LRRK2: variants seen among roughly 807,000 people sequenced by gnomAD.
The protein encoded by LRRK2 is leucine rich repeat kinase 2.
Under a neutral mutation model 302.6 loss-of-function variants are expected in LRRK2, and 203 were observed. That is an observed-to-expected ratio of 0.67 (90% CI 0.60 to 0.75). LRRK2 has a LOEUF of 0.75. LRRK2 is among the 30% of genes least tolerant of loss of function. The pLI is 0.00. For synonymous variants in LRRK2, 1,066 were observed against 1,031.9 expected, an observed-to-expected ratio of 1.03 and a Z score of -0.63; for missense variants, 2,830 against 2,951.0, an observed-to-expected ratio of 0.96 and a Z score of 0.95.
intron 18 of LRRK2, among the ~76,000 whole-genome samples, chr12:40,282,514 AC>A (rs1280675787): frequency 2.0e-5 from 3 of 152,154 alleles, no homozygotes; most frequent in African/African-American, 7.2e-5. Flanking sequence ...AAGAATGAAC[AC>A]CTTTTTGCTG....
chr12:40,323,652 G>A (rs1945463391), intron 38 of LRRK2, among the ~76,000 whole-genome samples: 1 of 152,078 alleles, frequency 6.6e-6, no homozygotes, highest in Non-Finnish European at 1.5e-5. Context: ...TTTATAAAAT[G>A]ACAGAATAGG....
intron 18 of LRRK2, among the ~76,000 whole-genome samples, chr12:40,280,916 A>C (rs979530687): frequency 1.3e-5 from 2 of 151,720 alleles, no homozygotes; most frequent in Non-Finnish European, 2.9e-5. Flanking sequence ...AAAATACAAA[A>C]AATTAGCCAG....
intron 13 of LRRK2, among the ~76,000 whole-genome samples, 197 bp downstream of exon 13, chr12:40,259,801 G>A (rs1169030648): frequency 6.6e-6 from 1 of 152,156 alleles, no homozygotes; most frequent in Non-Finnish European, 1.5e-5. Context: ...AAAGCAATAT[G>A]AATTCAGTAA....
rs1428625764 is a variant in LRRK2 at position 40,240,530 on chromosome 12, A to T, written c.619A>T (p.Ile207Leu). 2 of 1,613,300 alleles carry T rather than the reference A, an allele frequency of 1.2e-6. No homozygotes were observed. Among genetic ancestry groups the T allele is most frequent in the Admixed American group, 1.7e-5 (1 of 59,916 alleles). Reference protein sequence around the residue: ...TEFVENKDYMILLSALTNFKD... With the variant: ...TEFVENKDYMLLLSALTNFKD... ...ATTTGTTGAGAACAAAGATTATATG[A>T]TATTGTTAAGTGCGTTAACAAATTT... Residue 207 changes from isoleucine (I) to leucine (L), a missense_variant, in exon 6 of 51, where the codon ATA (isoleucine) becomes TTA (leucine). Around this residue, in one of 3 missense-constraint regions of LRRK2, gnomAD observed 2,121 missense variants for 2,148.0 expected, o/e 0.99. Coordinates refer to ENST00000298910, the MANE Select transcript of LRRK2 (RefSeq NM_198578.4).
At chr12:40,302,768 A>G (rs1944677922) in intron 25 of LRRK2, 21 bp from the exon 26 acceptor site, 3 of 1,427,816 alleles carry the variant, frequency 2.1e-6, no homozygotes, top group East Asian at 2.3e-5. Flanking sequence ...TAAAATGTTT[A>G]TCTCATTTTT....
intron 14 of LRRK2, among the ~76,000 whole-genome samples, chr12:40,268,237 G>A (rs11175793): frequency 0.11 from 16,809 of 152,092 alleles, 1,227 homozygotes; most frequent in African/African-American, 0.19. Context: ...TTTTATATGC[G>A]GTGACACTCC....
intron 41 of LRRK2, among the ~76,000 whole-genome samples, chr12:40,345,128 C>T (rs1054425966): frequency 3.9e-5 from 6 of 152,012 alleles, no homozygotes; most frequent in Non-Finnish European, 8.8e-5. Flanking sequence ...TTATATTTTT[C>T]TGGCTGCATA....
At chr12:40,308,407 C>T in intron 28 of LRRK2, 60 bp from the exon 29 acceptor site, 1 of 1,338,702 alleles carries the variant, frequency 7.5e-7, no homozygotes, top group South Asian at 1.2e-5. Context: ...AAGAACTCAC[C>T]TAAATCTCAA....
At chr12:40,334,943 T>C in intron 39 of LRRK2, 24 bp from the exon 40 acceptor site, 3 of 1,612,920 alleles carry the variant, frequency 1.9e-6, no homozygotes, top group Non-Finnish European at 2.5e-6. Context: ...TGAATTACTC[T>C]TACATGATTT....
chr12:40,233,423 A>G (rs755436438), intron 3 of LRRK2, among the ~76,000 whole-genome samples: 3 of 152,236 alleles, frequency 2.0e-5, no homozygotes, highest in Non-Finnish European at 2.9e-5. Context: ...TAGACAAATT[A>G]GAGCTATGTG....
At chr12:40,253,348 A>C (rs1942364274) in intron 11 of LRRK2, among the ~76,000 whole-genome samples, 1 of 152,134 alleles carries the variant, frequency 6.6e-6, no homozygotes, top group African/African-American at 2.4e-5. Flanking sequence ...ATGTTGATAC[A>C]TGTGTATTCT....
chr12:40,272,210 C>T (rs1229728003), intron 14 of LRRK2, among the ~76,000 whole-genome samples: 3 of 152,180 alleles, frequency 2.0e-5, no homozygotes, highest in African/African-American at 4.8e-5. Flanking sequence ...CTGGCCTTGC[C>T]TGCCAAACAG....
intron 13 of LRRK2, among the ~76,000 whole-genome samples, chr12:40,262,243 A>G (rs1592180826): frequency 6.6e-6 from 1 of 152,196 alleles, no homozygotes; most frequent in African/African-American, 2.4e-5. Flanking sequence ...AACAATATGG[A>G]GGACTTAAAA....
intron 20 of LRRK2, among the ~76,000 whole-genome samples, chr12:40,288,884 T>G (rs977937169): frequency 1.3e-5 from 2 of 151,894 alleles, no homozygotes; most frequent in Non-Finnish European, 2.9e-5. Context: ...TAATTCTATT[T>G]TTAACAAAAC....
chr12:40,352,403 C>T (rs971197463), intron 44 of LRRK2, among the ~76,000 whole-genome samples: 1 of 151,404 alleles, frequency 6.6e-6, no homozygotes, highest in African/African-American at 2.4e-5. Flanking sequence ...CAAAGACAAC[C>T]TAGTATTTTG....
At chr12:40,276,076 T>C (rs1943439973) in intron 16 of LRRK2, among the ~76,000 whole-genome samples, 1 of 152,158 alleles carries the variant, frequency 6.6e-6, no homozygotes, top group African/African-American at 2.4e-5. Context: ...ATAACAACAA[T>C]GTGTTTTATA....
At position 40,313,998 on chromosome 12, in the gene LRRK2, G is replaced by A. The variant is rs1304080509; in HGVS notation, c.4563G>A (p.Gln1521=). Reference sequence around the variant, plus strand: ...TCCGAGATCAGCTTGTTGTTGGACAGCTGATTCCAGACTGCTATGTAGAAC... The same window carrying A: ...TCCGAGATCAGCTTGTTGTTGGACAACTGATTCCAGACTGCTATGTAGAAC... ...FKIRDQLVVG[Q]LIPDCYVELE... The change falls in exon 32 of 51, where the codon CAG becomes CAA. Residue 1521 remains glutamine (Q), a synonymous_variant. Coordinates refer to ENST00000298910, the MANE Select transcript of LRRK2 (RefSeq NM_198578.4). 1 of 1,611,740 alleles carries A rather than the reference G, an allele frequency of 6.2e-7. No individual in the cohort carries two copies. Among genetic ancestry groups the A allele is most frequent in the Admixed American group, 1.7e-5 (1 of 59,852 alleles).
chr12:40,316,202 C>T (rs1278444933), intron 33 of LRRK2: 7 of 344,794 alleles, frequency 2.0e-5, no homozygotes, highest in Non-Finnish European at 2.9e-5. Context: ...TTAGAAATAT[C>T]TCTTCCAATT....
chr12:40,263,994 TCTC>T (rs1222584495), intron 14 of LRRK2, 93 bp downstream of exon 14: 1 of 872,828 alleles, frequency 1.1e-6, no homozygotes, highest in Non-Finnish European at 1.9e-6. Context: ...AGTTTTCTGT[TCTC>T]CGTTTGCTAT....
Sources: gnomAD v4.1 joint callset for allele counts (sites outside exome capture counted in the v4.1 genomes callset) on GRCh38, gnomAD v4.1.1 for gene constraint, gnomAD v4.1.1 regional missense constraint, MANE v1.5 for transcripts, NCBI Gene and HGNC (gene_info 2026-07-23, HGNC 2026-07-21) for gene names.